MVB12B: variants seen among roughly 807,000 people sequenced by gnomAD.
MVB12B encodes the protein ESCRT-I complex subunit MVB12B.
A neutral mutation model predicts 41.6 loss-of-function variants in MVB12B; 16 were observed. That is an observed-to-expected ratio of 0.38 (90% CI 0.26 to 0.58). The LOEUF (loss-of-function observed/expected upper bound fraction) is 0.58. Ranked by LOEUF, MVB12B falls within the 20% of genes least tolerant of loss-of-function variation. The pLI is 0.62. For synonymous variants in MVB12B, 133 were observed against 139.7 expected, an observed-to-expected ratio of 0.95 and a Z score of 0.34; for missense variants, 274 against 380.2, an observed-to-expected ratio of 0.72 and a Z score of 2.32.
chr9:126,433,863 T>G (rs1387657325), intron 7 of MVB12B, among the ~76,000 whole-genome samples: 2 of 152,096 alleles, frequency 1.3e-5, no homozygotes, highest in African/African-American at 4.8e-5. Context: ...AGCTCAAGCA[T>G]CTCTGAGTTA....
At chr9:126,343,871 T>C (rs1232711278) in intron 2 of MVB12B, among the ~76,000 whole-genome samples, 1 of 152,160 alleles carries the variant, frequency 6.6e-6, no homozygotes, top group Non-Finnish European at 1.5e-5. Flanking sequence ...GAGCCGAGAC[T>C]GCGCCACTGC....
At chr9:126,493,369 T>C (rs1045220272) in intron 9 of MVB12B, among the ~76,000 whole-genome samples, 1 of 152,216 alleles carries the variant, frequency 6.6e-6, no homozygotes, top group Non-Finnish European at 1.5e-5. Context: ...GATCAGTGGA[T>C]GTTTTTCTTG....
At chr9:126,349,954 A>G (rs1487922369) in intron 2 of MVB12B, among the ~76,000 whole-genome samples, 1 of 152,212 alleles carries the variant, frequency 6.6e-6, no homozygotes, top group Non-Finnish European at 1.5e-5. Flanking sequence ...TGTAGCTGTA[A>G]TGAATATATG....
intron 6 of MVB12B, among the ~76,000 whole-genome samples, chr9:126,404,284 G>A (rs887024136): frequency 5.9e-5 from 9 of 152,170 alleles, no homozygotes; most frequent in Non-Finnish European, 8.8e-5. Context: ...ATAGCTCTGT[G>A]AGTCAGTTAC....
At chr9:126,409,500 C>T (rs1831560914) in intron 6 of MVB12B, among the ~76,000 whole-genome samples, 1 of 152,014 alleles carries the variant, frequency 6.6e-6, no homozygotes, top group African/African-American at 2.4e-5. Flanking sequence ...ACACAGAAAG[C>T]ACCACCCTGG....
intron 6 of MVB12B, among the ~76,000 whole-genome samples, chr9:126,413,849 T>TGTCTGTGTGC (rs1831722985): frequency 6.7e-6 from 1 of 148,516 alleles, no homozygotes; most frequent in African/African-American, 2.5e-5. Flanking sequence ...TGTGTGTGTG[T>TGTCTGTGTGC]GTGTATAAGG....
At chr9:126,494,932 C>T (rs1833800550) in intron 9 of MVB12B, among the ~76,000 whole-genome samples, 1 of 151,976 alleles carries the variant, frequency 6.6e-6, no homozygotes, top group Admixed American at 6.6e-5. Flanking sequence ...TGGCTCACAC[C>T]TGTAATCCCA....
chr9:126,456,169 G>A (rs1042115594), intron 7 of MVB12B, among the ~76,000 whole-genome samples: 3 of 152,122 alleles, frequency 2.0e-5, no homozygotes, highest in Non-Finnish European at 4.4e-5. Context: ...GGGATTGCAG[G>A]CATGAGCCAC....
chr9:126,354,340 T>G (rs1405098806), intron 2 of MVB12B, among the ~76,000 whole-genome samples: 1 of 152,260 alleles, frequency 6.6e-6, no homozygotes, highest in Non-Finnish European at 1.5e-5. Flanking sequence ...GTTTCGTTTT[T>G]ATGTAATCAT....
intron 1 of MVB12B, among the ~76,000 whole-genome samples, chr9:126,334,644 G>A (rs935527086): frequency 1.3e-5 from 2 of 152,194 alleles, no homozygotes; most frequent in Non-Finnish European, 2.9e-5. Context: ...GCCTTCTGTT[G>A]GGGTCCTTTT....
intron 6 of MVB12B, among the ~76,000 whole-genome samples, chr9:126,401,639 A>G (rs1831271659): frequency 6.6e-6 from 1 of 152,230 alleles, no homozygotes; most frequent in African/African-American, 2.4e-5. Context: ...GGCCCTTCCT[A>G]GAGGAGAGGA....
intron 9 of MVB12B, among the ~76,000 whole-genome samples, chr9:126,499,713 C>T (rs958200643): frequency 2.0e-5 from 3 of 151,994 alleles, no homozygotes; most frequent in African/African-American, 4.8e-5. Flanking sequence ...TTAGGGAAAA[C>T]AAGAAGCGGG....
intron 2 of MVB12B, among the ~76,000 whole-genome samples, chr9:126,378,982 G>A (rs1455557704): frequency 6.6e-6 from 1 of 152,158 alleles, no homozygotes; most frequent in Non-Finnish European, 1.5e-5. Flanking sequence ...GCACCCCTCT[G>A]TGGCACTTCC....
chr9:126,335,204 G>C (rs1419301776), intron 1 of MVB12B: 1 of 1,151,050 alleles, frequency 8.7e-7, no homozygotes, highest in East Asian at 6.1e-5. Flanking sequence ...ACTATGTCCA[G>C]CAGCATTTGT....
At chr9:126,396,790 TAGA>T in intron 6 of MVB12B, 4 of 985,484 alleles carry the variant, frequency 4.1e-6, no homozygotes, top group Non-Finnish European at 4.8e-6. Context: ...CCTGAAACTT[TAGA>T]AGTAGTTTTC....
At position 126,382,574 on chromosome 9, in the gene MVB12B, C is replaced by T. The variant is rs77946731; in HGVS notation, c.312+1403C>T. Among the ~76,000 whole-genome samples the T allele has an allele frequency of 6.5e-3, 988 of 152,214 alleles. 14 individuals are homozygous for T. The highest frequency in any genetic ancestry group is 0.022 in the African/African-American group (925 of 41,522). ...ATCTTATAATGAGTCCCTGCAGGTC[C>T]CCCAGCTCACTGAGCAGCCTGAGGT... On this transcript the variant is annotated intron_variant, in intron 3 of 9. Transcript: ENST00000361171.
At chr9:126,379,619 A>G (rs189268738) in intron 2 of MVB12B, among the ~76,000 whole-genome samples, 6 of 152,322 alleles carry the variant, frequency 3.9e-5, no homozygotes, top group Admixed American at 3.9e-4. Context: ...TCTTTATCAT[A>G]AGGGCCTTTC....
chr9:126,457,478 A>C (rs1325731029), intron 7 of MVB12B, among the ~76,000 whole-genome samples: 2 of 152,176 alleles, frequency 1.3e-5, no homozygotes, highest in East Asian at 3.9e-4. Flanking sequence ...CATGACCTTC[A>C]AGACTTCCAC....
In MVB12B at chr9:126,368,875, C is replaced by G. The variant is rs371336183; in HGVS notation, c.205-12189C>G. ...ATGTAAATGACTTACAGAAATACAT[C>G]GTTGTAATTTGTGTTTTTAATATAA... On this transcript the variant is annotated intron_variant, in intron 2 of 9. Coordinates refer to ENST00000361171, the MANE Select transcript of MVB12B (RefSeq NM_033446.3). 1.6e-4 allele frequency among the ~76,000 whole-genome samples: 25 copies of G among 152,256 alleles called. No individual in the cohort carries two copies. In the East Asian group the frequency reaches 4.8e-3, roughly 29 times the overall value.
Sources: gnomAD v4.1 joint callset for allele counts (sites outside exome capture counted in the v4.1 genomes callset) on GRCh38, gnomAD v4.1.1 for gene constraint, MANE v1.5 for transcripts, NCBI Gene and HGNC (gene_info 2026-07-23, HGNC 2026-07-21) for gene names.